Variants in CA10 observed in about 807,000 individuals in gnomAD.
CA10 encodes carbonic anhydrase-related protein 10.
In CA10, 14 loss-of-function variants were observed where a neutral mutation model predicts 44.2. That is an observed-to-expected ratio of 0.32 (90% CI 0.21 to 0.50). The LOEUF (loss-of-function observed/expected upper bound fraction) is 0.50, where lower values mean the gene tolerates loss of function less well. Ranked by LOEUF, CA10 falls within the 20% of genes least tolerant of loss-of-function variation. The probability of loss-of-function intolerance (pLI) is 0.99; values close to 1 mark genes in which losing one functional copy is unlikely to be tolerated. For synonymous variants in CA10, 159 were observed against 141.6 expected, an observed-to-expected ratio of 1.12 and a Z score of -0.87; for missense variants, 350 against 409.7, an observed-to-expected ratio of 0.85 and a Z score of 1.26.
At chr17:51,686,571 T>TAC (rs1172804882) in intron 4 of CA10, among the ~76,000 whole-genome samples, 1 of 152,108 alleles carries the variant, frequency 6.6e-6, no homozygotes, top group African/African-American at 2.4e-5. Context: ...TCTTAATGTC[T>TAC]ACACCCTAGA....
chr17:51,633,807 T>C (rs1265638339), intron 7 of CA10, among the ~76,000 whole-genome samples, 157 bp from the exon 8 acceptor site: 1 of 152,282 alleles, frequency 6.6e-6, no homozygotes, highest in South Asian at 2.1e-4. Context: ...ATGGGTTCAG[T>C]TGAGCTGAAG....
intron 3 of CA10, among the ~76,000 whole-genome samples, chr17:51,913,245 A>G (rs1981859065): frequency 6.6e-6 from 1 of 152,166 alleles, no homozygotes; most frequent in African/African-American, 2.4e-5. Flanking sequence ...TAGCAAAGGA[A>G]ACTTTGGAAC....
chr17:51,943,703 T>C (rs889717454), intron 2 of CA10, among the ~76,000 whole-genome samples: 2 of 152,116 alleles, frequency 1.3e-5, no homozygotes, highest in Admixed American at 1.3e-4. Flanking sequence ...GATCCAGAGA[T>C]TTGCATTATT....
intron 1 of CA10, chr17:52,134,836 C>T (rs1212072567): frequency 7.7e-6 from 4 of 518,176 alleles, no homozygotes; most frequent in African/African-American, 7.7e-5. Flanking sequence ...TGCCATCCTC[C>T]ACCCCATGCA....
At position 52,089,075 on chromosome 17, in the gene CA10, T is replaced by A. The variant is rs545600042; in HGVS notation, c.62-16682A>T. ...CTTTGGAACAGGCAGGATCATGTAA[T>A]CACGAATTTCAAAAGATGGGCAAAA... On this transcript the variant is annotated intron_variant, in intron 1 of 8. Transcript: ENST00000451037. Among the ~76,000 whole-genome samples, 95 of 152,308 alleles carry A rather than the reference T, an allele frequency of 6.2e-4. 1 individual carries two copies. In the South Asian group the frequency reaches 7.7e-3, roughly 12 times the overall value.
chr17:51,753,998 C>T (rs1172509926), intron 3 of CA10, among the ~76,000 whole-genome samples: 3 of 152,096 alleles, frequency 2.0e-5, no homozygotes, highest in African/African-American at 4.8e-5. Context: ...TACCTGCCAT[C>T]ACGCCCAGCT....
intron 1 of CA10, among the ~76,000 whole-genome samples, chr17:52,074,599 C>G (rs1287674199): frequency 1.4e-5 from 1 of 72,086 alleles, no homozygotes; most frequent in Non-Finnish European, 2.7e-5. Context: ...AATAAATATA[C>G]ACTTAGCACT....
rs1905359410 is a variant in CA10, at chr17:51,765,754, G to T, written c.280-17936C>A. 2.1e-5 allele frequency among the ~76,000 whole-genome samples: 3 copies of T among 145,664 alleles called. No homozygotes were observed. The South Asian group carries it at 6.7e-4, about 33-fold the overall frequency. On this transcript the variant is annotated intron_variant, in intron 3 of 8. Coordinates refer to ENST00000451037, the MANE Select transcript of CA10 (RefSeq NM_020178.5). ...GTGTGTGCATGCATGTGTTTAGGGG[G>T]GGTTGGGTATAGACAATCCAGCAGA...
chr17:51,932,307 G>C lies in CA10; in HGVS notation c.137-1175C>G, dbSNP rs559280277. ...TGGACCTGTCCTCTCAGAAACTCAAGTTTAATTAAACTTAAATTGAATAAA... is the reference window on the plus strand; with the variant it reads ...TGGACCTGTCCTCTCAGAAACTCAACTTTAATTAAACTTAAATTGAATAAA... On this transcript the variant is annotated intron_variant, in intron 2 of 8. Transcript: ENST00000451037. Among the ~76,000 whole-genome samples the C allele has an allele frequency of 2.0e-5, 3 of 152,206 alleles. No homozygotes were observed. In the South Asian group the frequency reaches 6.2e-4, roughly 32 times the overall value.
At chr17:51,872,824 G>T (rs955628841) in intron 3 of CA10, among the ~76,000 whole-genome samples, 3 of 152,182 alleles carry the variant, frequency 2.0e-5, no homozygotes, top group African/African-American at 7.2e-5. Flanking sequence ...GGAGCTTATT[G>T]TTAGGTTCTT....
intron 1 of CA10, among the ~76,000 whole-genome samples, chr17:52,077,985 A>T (rs1987861079): frequency 1.3e-5 from 2 of 152,212 alleles, no homozygotes; most frequent in Admixed American, 1.3e-4. Context: ...CAACCAACTT[A>T]AAAAATTATG....
intron 4 of CA10, among the ~76,000 whole-genome samples, chr17:51,728,790 A>G (rs984143315): frequency 2.6e-5 from 4 of 152,170 alleles, no homozygotes; most frequent in African/African-American, 9.7e-5. Flanking sequence ...CACACTGAAG[A>G]GGAGGGGAAT....
chr17:52,001,504 T>C (rs1027586976), intron 2 of CA10, among the ~76,000 whole-genome samples: 1 of 152,018 alleles, frequency 6.6e-6, no homozygotes, highest in Non-Finnish European at 1.5e-5. Flanking sequence ...AGATAGTAGA[T>C]ATTCTCTGCC....
intron 3 of CA10, among the ~76,000 whole-genome samples, chr17:51,862,289 C>T (rs1032924535): frequency 3.9e-5 from 6 of 152,254 alleles, no homozygotes; most frequent in Admixed American, 6.5e-5. Context: ...TAGAATCAGA[C>T]GGGAGAGTCC....
chr17:52,055,635 ATATT>A (rs1987207563), intron 2 of CA10, among the ~76,000 whole-genome samples: 3 of 152,142 alleles, frequency 2.0e-5, no homozygotes, highest in Admixed American at 6.6e-5. Context: ...ATTGTGTGAT[ATATT>A]ATAAAAAGTC....
chr17:51,897,039 T>C (rs1370079822), intron 3 of CA10, among the ~76,000 whole-genome samples: 6 of 152,186 alleles, frequency 3.9e-5, no homozygotes, highest in Non-Finnish European at 7.4e-5. Flanking sequence ...ACTCTGTTGA[T>C]AGTTTCTTTT....
chr17:51,748,405 T>C (rs1904781586), intron 3 of CA10: 1 of 882,464 alleles, frequency 1.1e-6, no homozygotes, highest in Non-Finnish European at 1.4e-6. Flanking sequence ...AAACTTCCAA[T>C]TTCATAGATT....
chr17:52,121,889 G>A (rs749435743), intron 1 of CA10, among the ~76,000 whole-genome samples: 24 of 152,154 alleles, frequency 1.6e-4, no homozygotes, highest in Non-Finnish European at 2.9e-4. Context: ...TGATCATTAG[G>A]AGCCTTGACC....
At chr17:51,838,580 G>T (rs188677607) in intron 3 of CA10, among the ~76,000 whole-genome samples, 1 of 152,224 alleles carries the variant, frequency 6.6e-6, no homozygotes, top group African/African-American at 2.4e-5. Context: ...AAAGAGCCTT[G>T]TTTCTTGGTT....
Sources: gnomAD v4.1 joint callset for allele counts (sites outside exome capture counted in the v4.1 genomes callset) on GRCh38, gnomAD v4.1.1 for gene constraint, MANE v1.5 for transcripts, NCBI Gene and HGNC (gene_info 2026-07-23, HGNC 2026-07-21) for gene names.